HMGCLL1: variants seen among roughly 807,000 people sequenced by gnomAD.
HMGCLL1 encodes the protein 3-hydroxy-3-methylglutaryl-CoA lyase like 1.
Under a neutral mutation model 39.1 loss-of-function variants are expected in HMGCLL1, and 36 were observed. That is an observed-to-expected ratio of 0.92 (90% CI 0.71 to 1.22). The LOEUF (loss-of-function observed/expected upper bound fraction) is 1.22, where lower values mean the gene tolerates loss of function less well. HMGCLL1 is among the 50% of genes most tolerant of loss of function. HMGCLL1 has a pLI of 0.00. For missense variants in HMGCLL1, 451 were observed against 416.5 expected, an observed-to-expected ratio of 1.08 and a Z score of -0.72; for synonymous variants, 149 against 144.0, an observed-to-expected ratio of 1.03 and a Z score of -0.25.
the HMGCLL1 span, among the ~76,000 whole-genome samples, chr6:55,604,552 T>C: frequency 6.6e-6 from 1 of 152,302 alleles, no homozygotes; most frequent in East Asian, 1.9e-4. Context: ...AAAGTTAGTA[T>C]ATTATACTAG....
At chr6:55,512,076 T>C (rs1261397277) in intron 5 of HMGCLL1, 1 of 152,134 alleles carries the variant, frequency 6.6e-6, no homozygotes, top group African/African-American at 2.4e-5. Flanking sequence ...CAATGAGTAT[T>C]AAGAGGGTTT....
intron 1 of HMGCLL1, among the ~76,000 whole-genome samples, chr6:55,572,734 T>A (rs1422842391): frequency 1.3e-5 from 2 of 152,170 alleles, no homozygotes; most frequent in African/African-American, 4.8e-5. Flanking sequence ...ACAATTGGTA[T>A]TTTTAAATTT....
At chr6:55,600,136 T>C in the HMGCLL1 span, among the ~76,000 whole-genome samples, 1 of 152,124 alleles carries the variant, frequency 6.6e-6, no homozygotes, top group African/African-American at 2.4e-5. Context: ...TGAGAGAATC[T>C]TCAGTTTTTT....
chr6:55,481,585 T>G (rs550798349), intron 7 of HMGCLL1, among the ~76,000 whole-genome samples: 1 of 152,140 alleles, frequency 6.6e-6, no homozygotes, highest in East Asian at 1.9e-4. Flanking sequence ...ACAAGTGAGA[T>G]CTACACTCTT....
chr6:55,539,764 C>T (rs1769238141), intron 3 of HMGCLL1, among the ~76,000 whole-genome samples: 1 of 147,968 alleles, frequency 6.8e-6, no homozygotes, highest in Non-Finnish European at 1.5e-5. Flanking sequence ...AGGCTTAAGA[C>T]CTAAGTGATT....
intron 5 of HMGCLL1, among the ~76,000 whole-genome samples, chr6:55,500,642 T>C (rs778008814): frequency 4.0e-5 from 6 of 151,890 alleles, no homozygotes; most frequent in Non-Finnish European, 8.8e-5. Flanking sequence ...TCAAGTAAAA[T>C]TGGAAAGTTA....
chr6:55,540,261 TGAA>T (rs1418293563), intron 3 of HMGCLL1, among the ~76,000 whole-genome samples: 2 of 152,120 alleles, frequency 1.3e-5, no homozygotes, highest in Non-Finnish European at 2.9e-5. Context: ...TAGGCCATAC[TGAA>T]GAAGAAGACA....
chr6:55,634,728 TG>T, the HMGCLL1 span, among the ~76,000 whole-genome samples: 38 of 152,162 alleles, frequency 2.5e-4, no homozygotes, highest in Non-Finnish European at 4.1e-4. Context: ...CACCCATATT[TG>T]GTCCGTTATT....
At chr6:55,461,765 T>G (rs1246344827) in intron 7 of HMGCLL1, among the ~76,000 whole-genome samples, 1 of 152,056 alleles carries the variant, frequency 6.6e-6, no homozygotes, top group East Asian at 1.9e-4. Flanking sequence ...CTATTTAGAC[T>G]GAAATAAACT....
At chr6:55,602,787 A>C in the HMGCLL1 span, among the ~76,000 whole-genome samples, 21 of 152,086 alleles carry the variant, frequency 1.4e-4, no homozygotes, top group Non-Finnish European at 2.6e-4. Flanking sequence ...GCATCAGCTA[A>C]TGTCTAAACT....
chr6:55,486,113 G>T (rs1403408292), intron 7 of HMGCLL1, among the ~76,000 whole-genome samples: 1 of 148,628 alleles, frequency 6.7e-6, no homozygotes, highest in East Asian at 2.0e-4. Context: ...GTGTGTGTGT[G>T]TATATATATA....
chr6:55,462,512 ATTTTCTAGAGACTTTAAT>A (rs2127396949), intron 7 of HMGCLL1, among the ~76,000 whole-genome samples: 1 of 152,274 alleles, frequency 6.6e-6, no homozygotes, highest in East Asian at 1.9e-4. Context: ...TTAAATTTAA[ATTTTCTAGAGACTTTAAT>A]TTTTCTAGAG....
At chr6:55,637,432 G>A in the HMGCLL1 span, among the ~76,000 whole-genome samples, 2 of 132,566 alleles carry the variant, frequency 1.5e-5, no homozygotes, top group Non-Finnish European at 3.3e-5. Context: ...TCATGTTCAC[G>A]AAAAATTGGT....
At chr6:55,612,837 A>G in the HMGCLL1 span, among the ~76,000 whole-genome samples, 11 of 152,226 alleles carry the variant, frequency 7.2e-5, no homozygotes, top group African/African-American at 2.7e-4. Context: ...ACCCAAAATC[A>G]TAAAAGCTCC....
the HMGCLL1 span, among the ~76,000 whole-genome samples, chr6:55,618,741 A>T: frequency 1.2e-3 from 183 of 152,286 alleles, no homozygotes; most frequent in African/African-American, 4.0e-3. Context: ...TTTTAGTTAC[A>T]TTATTAGCAA....
the HMGCLL1 span, among the ~76,000 whole-genome samples, chr6:55,674,798 A>C: frequency 6.6e-6 from 1 of 152,058 alleles, no homozygotes; most frequent in Admixed American, 6.6e-5. Flanking sequence ...ACTTATTGTA[A>C]GAGCATGATG....
chr6:55,593,748 C>T, the HMGCLL1 span, among the ~76,000 whole-genome samples: 1 of 152,254 alleles, frequency 6.6e-6, no homozygotes, highest in African/African-American at 2.4e-5. Context: ...CTATACCTAA[C>T]TTACATTTCC....
At position 55,485,439 on chromosome 6, in the gene HMGCLL1, G is replaced by GAT. The variant is rs151165132; in HGVS notation, c.795+9978_795+9979dup. 4.0e-3 allele frequency among the ~76,000 whole-genome samples: 610 copies of GAT among 152,024 alleles called. 7 individuals are homozygous for GAT. The highest frequency in any genetic ancestry group is 0.014 in the African/African-American group (573 of 41,498). ...GTATCTGATAGTAGTAAGCATTCAAGATGTTTCTTAAAATAAATTCATAAA... is the reference window on the plus strand; with the variant it reads ...GTATCTGATAGTAGTAAGCATTCAAGATATGTTTCTTAAAATAAATTCATAAA... On this transcript the variant is annotated intron_variant, in intron 7 of 8. Transcript: ENST00000274901.
chr6:55,477,363 ATAT>A (rs1428649059), intron 7 of HMGCLL1, among the ~76,000 whole-genome samples: 13 of 40,218 alleles, frequency 3.2e-4, no homozygotes, highest in African/African-American at 1.3e-3. Flanking sequence ...AATATATATT[ATAT>A]TAATATAATA....
Sources: allele counts gnomAD v4.1 joint callset (sites outside exome capture counted in the v4.1 genomes callset), GRCh38; gene constraint gnomAD v4.1.1; transcripts MANE v1.5; gene names NCBI Gene and HGNC (gene_info 2026-07-23, HGNC 2026-07-21).